The following SLC14A2 variants were observed in gnomAD, a reference collection of about 807,000 sequenced individuals.
SLC14A2 encodes solute carrier family 14 member 2.
In SLC14A2, 91 loss-of-function variants were observed where a neutral mutation model predicts 104.6. The ratio of observed to expected loss-of-function variants is 0.87; its 90% CI spans 0.73 to 1.04. The LOEUF is 1.04. Among genes scored for constraint, SLC14A2 ranks in the 50% least tolerant of loss-of-function variants. The pLI, the probability that SLC14A2 is intolerant of heterozygous loss-of-function variation, is 0.00. For missense variants in SLC14A2, 1,189 were observed against 1,156.0 expected (o/e 1.03, Z -0.41); for synonymous variants, 476 against 466.4 (o/e 1.02, Z -0.27).
intron 1 of SLC14A2, among the ~76,000 whole-genome samples, chr18:45,622,491 C>G (rs1300764063): frequency 6.6e-6 from 1 of 152,066 alleles, no homozygotes; most frequent in Non-Finnish European, 1.5e-5. Context: ...TCTGTTAATC[C>G]ACTGCTCAAA....
intron 2 of SLC14A2, among the ~76,000 whole-genome samples, chr18:45,504,476 C>A (rs1226074073): frequency 6.6e-6 from 1 of 152,196 alleles, no homozygotes; most frequent in Non-Finnish European, 1.5e-5. Flanking sequence ...GGTTTGTCTG[C>A]ATAACTGTTC....
intron 1 of SLC14A2, among the ~76,000 whole-genome samples, chr18:45,402,388 A>G (rs2086105868): frequency 6.6e-6 from 1 of 152,252 alleles, no homozygotes; most frequent in Non-Finnish European, 1.5e-5. Flanking sequence ...AAAAGACGCT[A>G]ATAAAGGCAG....
At chr18:45,202,499 C>T in the SLC14A2 span, among the ~76,000 whole-genome samples, 1 of 152,028 alleles carries the variant, frequency 6.6e-6, no homozygotes, top group Non-Finnish European at 1.5e-5. Context: ...TCAATGTTAT[C>T]AAACATAACA....
At chr18:45,636,309 G>A (rs1341950908) in intron 5 of SLC14A2, among the ~76,000 whole-genome samples, 1 of 152,186 alleles carries the variant, frequency 6.6e-6, no homozygotes, top group Non-Finnish European at 1.5e-5. Flanking sequence ...GCCTTCCAGA[G>A]GAAACTGAAG....
At chr18:45,287,004 G>A (rs1277945716) in intron 1 of SLC14A2, among the ~76,000 whole-genome samples, 1 of 152,196 alleles carries the variant, frequency 6.6e-6, no homozygotes. Flanking sequence ...ATTACCCAGT[G>A]GAAAATGGGC....
At chr18:45,336,558 T>C (rs1004243611) in intron 1 of SLC14A2, among the ~76,000 whole-genome samples, 2 of 151,954 alleles carry the variant, frequency 1.3e-5, no homozygotes, top group East Asian at 1.9e-4. Context: ...TCATCAGTTT[T>C]CCCCCTGGAT....
At chr18:45,422,722 G>A (rs1189835115) in intron 1 of SLC14A2, among the ~76,000 whole-genome samples, 1 of 152,152 alleles carries the variant, frequency 6.6e-6, no homozygotes, top group Admixed American at 6.5e-5. Flanking sequence ...AATGGAGCCA[G>A]AACTTTTCAT....
the SLC14A2 span, among the ~76,000 whole-genome samples, chr18:45,207,174 G>A: frequency 1.3e-5 from 2 of 152,158 alleles, no homozygotes; most frequent in East Asian, 3.9e-4. Context: ...ACAAGGGCAG[G>A]GTAGAAGTAA....
At chr18:45,494,915 T>TACACAC (rs58079608) in intron 2 of SLC14A2, among the ~76,000 whole-genome samples, 49,300 of 148,512 alleles carry the variant, frequency 0.33, 8,575 homozygotes, top group African/African-American at 0.44. Flanking sequence ...CACACACACA[T>TACACAC]ACACACACAC....
intron 2 of SLC14A2, among the ~76,000 whole-genome samples, chr18:45,523,984 G>A (rs1469966546): frequency 6.6e-6 from 1 of 152,216 alleles, no homozygotes; most frequent in African/African-American, 2.4e-5. Context: ...CACATAATTT[G>A]TAAAGTACGG....
intron 2 of SLC14A2, among the ~76,000 whole-genome samples, chr18:45,602,329 G>C (rs566472137): frequency 1.4e-3 from 212 of 152,328 alleles, no homozygotes; most frequent in Non-Finnish European, 2.3e-3. Flanking sequence ...TATGGAGATT[G>C]GATATCTGCC....
At chr18:45,442,601 C>A (rs986397543) in intron 1 of SLC14A2, among the ~76,000 whole-genome samples, 12 of 152,090 alleles carry the variant, frequency 7.9e-5, no homozygotes, top group African/African-American at 2.9e-4. Context: ...CTTATCTTAA[C>A]TCATTACATC....
At chr18:45,405,950 T>A (rs578248022) in intron 1 of SLC14A2, among the ~76,000 whole-genome samples, 1 of 151,396 alleles carries the variant, frequency 6.6e-6, no homozygotes, top group Admixed American at 6.6e-5. Flanking sequence ...CGAGTTGTAA[T>A]TTTTTTTACT....
intron 1 of SLC14A2, among the ~76,000 whole-genome samples, chr18:45,337,520 C>T (rs12970541): frequency 6.2e-4 from 94 of 152,264 alleles, no homozygotes; most frequent in African/African-American, 7.2e-4. Flanking sequence ...ACTGACTAGA[C>T]GCATTCTGGG....
intron 1 of SLC14A2, among the ~76,000 whole-genome samples, chr18:45,382,935 G>A (rs1187985865): frequency 6.6e-6 from 1 of 152,176 alleles, no homozygotes; most frequent in Non-Finnish European, 1.5e-5. Context: ...TCGAAGAAAA[G>A]CTCTATTTGG....
At chr18:45,444,277 G>A (rs1283100238) in intron 1 of SLC14A2, among the ~76,000 whole-genome samples, 2 of 152,174 alleles carry the variant, frequency 1.3e-5, no homozygotes, top group Non-Finnish European at 1.5e-5. Flanking sequence ...CTCCTGCTTT[G>A]TGGCAATCTT....
At chr18:45,322,738 C>T (rs960231642) in intron 1 of SLC14A2, among the ~76,000 whole-genome samples, 1 of 152,192 alleles carries the variant, frequency 6.6e-6, no homozygotes. Context: ...TTCATCAAGA[C>T]TACTTCTCAA....
At chr18:45,662,671 TAATA>T (rs2144619290) in intron 10 of SLC14A2, among the ~76,000 whole-genome samples, 1 of 152,296 alleles carries the variant, frequency 6.6e-6, no homozygotes, top group South Asian at 2.1e-4. Context: ...CTTTTAGTGA[TAATA>T]TATAGTGCCC....
chr18:45,398,643 G>A (rs1201915889), intron 1 of SLC14A2, among the ~76,000 whole-genome samples: 1 of 152,078 alleles, frequency 6.6e-6, no homozygotes, highest in Non-Finnish European at 1.5e-5. Flanking sequence ...TCTGACACGC[G>A]CTGCAACCTG....
Sources: gnomAD v4.1 joint callset for allele counts (sites outside exome capture counted in the v4.1 genomes callset) on GRCh38, gnomAD v4.1.1 for gene constraint, MANE v1.5 for transcripts, NCBI Gene and HGNC (gene_info 2026-07-23, HGNC 2026-07-21) for gene names.